The following STARD13 variants were observed in gnomAD, a reference collection of about 807,000 sequenced individuals.
STARD13 encodes the protein StAR related lipid transfer domain containing 13, also known as stAR-related lipid transfer protein 13.
In STARD13, 62 loss-of-function variants were observed where a neutral mutation model predicts 106.4. The observed-to-expected ratio is 0.58, with a 90% CI of 0.48 to 0.72. The LOEUF is 0.72. Ranked by LOEUF, STARD13 falls within the 30% of genes least tolerant of loss-of-function variation. STARD13 has a pLI of 0.00. For missense variants in STARD13, 1,387 were observed against 1,424.0 expected (o/e 0.97, Z 0.42); for synonymous variants, 565 against 553.0 (o/e 1.02, Z -0.31).
intron 1 of STARD13, among the ~76,000 whole-genome samples, chr13:33,251,755 T>C (rs1438264569): frequency 6.6e-6 from 1 of 152,238 alleles, no homozygotes; most frequent in Non-Finnish European, 1.5e-5. Flanking sequence ...TGGTAAGCTA[T>C]AATGAAATAC....
chr13:33,178,291 G>A (rs987783914), intron 1 of STARD13, among the ~76,000 whole-genome samples: 2 of 152,108 alleles, frequency 1.3e-5, no homozygotes, highest in Non-Finnish European at 2.9e-5. Flanking sequence ...CATTTCTACT[G>A]ACATTACTTT....
the STARD13 span, among the ~76,000 whole-genome samples, chr13:33,603,505 G>T: frequency 6.6e-5 from 10 of 152,272 alleles, no homozygotes; most frequent in East Asian, 1.9e-4. Context: ...TCAGCACAGG[G>T]TGAAGACAAG....
chr13:33,155,020 G>A (rs370034442), intron 3 of STARD13, among the ~76,000 whole-genome samples: 3 of 151,922 alleles, frequency 2.0e-5, no homozygotes, highest in Non-Finnish European at 4.4e-5. Flanking sequence ...AGGATTCCCC[G>A]GCATCCACTC....
intron 3 of STARD13, among the ~76,000 whole-genome samples, chr13:33,163,173 G>T (rs1882834504): frequency 6.6e-6 from 1 of 152,126 alleles, no homozygotes; most frequent in Non-Finnish European, 1.5e-5. Flanking sequence ...CAGTATGGAG[G>T]AAACCGCCCT....
At chr13:33,226,964 A>G (rs894085640) in intron 1 of STARD13, among the ~76,000 whole-genome samples, 1 of 152,222 alleles carries the variant, frequency 6.6e-6, no homozygotes, top group Non-Finnish European at 1.5e-5. Flanking sequence ...TGGCATATGT[A>G]TATTCATTCG....
chr13:33,199,415 G>A (rs1226663592), intron 1 of STARD13, among the ~76,000 whole-genome samples: 1 of 152,232 alleles, frequency 6.6e-6, no homozygotes, highest in East Asian at 1.9e-4. Context: ...TTTTGGAGGA[G>A]GAGAACTGTA....
downstream of STARD13, among the ~76,000 whole-genome samples, chr13:33,347,430 A>G (rs141651225): frequency 6.4e-3 from 970 of 152,128 alleles, 16 homozygotes; most frequent in Non-Finnish European, 9.5e-3. Context: ...TTGTTTTAGT[A>G]GAGATGGGGT....
At chr13:33,313,296 C>T (rs1386695934) in intron 1 of STARD13, among the ~76,000 whole-genome samples, 1 of 152,142 alleles carries the variant, frequency 6.6e-6, no homozygotes, top group East Asian at 1.9e-4. Flanking sequence ...TTAATTAATG[C>T]TTGCTTTATT....
At chr13:33,304,515 C>T (rs940743346) in intron 1 of STARD13, among the ~76,000 whole-genome samples, 2 of 152,076 alleles carry the variant, frequency 1.3e-5, no homozygotes, top group African/African-American at 2.4e-5. Flanking sequence ...GGATTTTCCC[C>T]GTGGACATAC....
intron 1 of STARD13, among the ~76,000 whole-genome samples, chr13:33,314,674 G>A (rs137967609): frequency 6.6e-6 from 1 of 152,224 alleles, no homozygotes; most frequent in East Asian, 1.9e-4. Context: ...CACCTAATGA[G>A]ATCAGTATTA....
At chr13:33,358,408 G>T in the STARD13 span, among the ~76,000 whole-genome samples, 2 of 152,120 alleles carry the variant, frequency 1.3e-5, no homozygotes, top group African/African-American at 4.8e-5. Flanking sequence ...CTGCAGCCCC[G>T]GTGTGGGATC....
the STARD13 span, among the ~76,000 whole-genome samples, chr13:33,532,207 A>C: frequency 6.6e-6 from 1 of 152,188 alleles, no homozygotes; most frequent in African/African-American, 2.4e-5. Context: ...TCTGGACACA[A>C]AGTGCTTGGC....
At chr13:33,472,492 G>A in the STARD13 span, among the ~76,000 whole-genome samples, 1 of 152,232 alleles carries the variant, frequency 6.6e-6, no homozygotes, top group Non-Finnish European at 1.5e-5. Flanking sequence ...ACATTAGAGA[G>A]CTCTACCGAC....
At chr13:33,508,205 C>A in the STARD13 span, among the ~76,000 whole-genome samples, 2 of 152,192 alleles carry the variant, frequency 1.3e-5, no homozygotes, top group Non-Finnish European at 2.9e-5. Flanking sequence ...GGGAAGCTGG[C>A]ATGTGTTGCA....
intron 1 of STARD13, among the ~76,000 whole-genome samples, chr13:33,254,581 T>C (rs1328684179): frequency 2.0e-5 from 3 of 152,176 alleles, no homozygotes; most frequent in Non-Finnish European, 2.9e-5. Context: ...ATTTCTGTTT[T>C]CATGTCCTTT....
chr13:33,512,031 T>C, the STARD13 span, among the ~76,000 whole-genome samples: 6 of 152,256 alleles, frequency 3.9e-5, no homozygotes, highest in African/African-American at 1.4e-4. Flanking sequence ...GACTTTGAAA[T>C]AAGGAAGGAG....
chr13:33,545,464 A>G, the STARD13 span, among the ~76,000 whole-genome samples: 1 of 152,226 alleles, frequency 6.6e-6, no homozygotes, highest in African/African-American at 2.4e-5. Flanking sequence ...GCAGGCAGAG[A>G]AGATGTAAAG....
At chr13:33,197,838 T>C (rs1886743022) in intron 1 of STARD13, among the ~76,000 whole-genome samples, 1 of 152,216 alleles carries the variant, frequency 6.6e-6, no homozygotes, top group Non-Finnish European at 1.5e-5. Flanking sequence ...TTAGCTGACT[T>C]CCCCTCTTCC....
At chr13:33,606,470 T>C in the STARD13 span, among the ~76,000 whole-genome samples, 3 of 152,230 alleles carry the variant, frequency 2.0e-5, no homozygotes, top group Admixed American at 6.5e-5. Context: ...TTTCCTTTAA[T>C]GATTTTTCTT....
Sources: allele counts gnomAD v4.1 joint callset (sites outside exome capture counted in the v4.1 genomes callset), GRCh38; gene constraint gnomAD v4.1.1; transcripts MANE v1.5; gene names NCBI Gene and HGNC (gene_info 2026-07-23, HGNC 2026-07-21).